Variants in URB2 observed in about 807,000 individuals in gnomAD.
URB2 encodes unhealthy ribosome biogenesis protein 2 homolog.
A neutral mutation model predicts 120.9 loss-of-function variants in URB2; 86 were observed. That is an observed-to-expected ratio of 0.71 (90% CI 0.60 to 0.85). URB2 has a LOEUF of 0.85. URB2 is among the 40% of genes least tolerant of loss of function. The pLI is 0.00. For missense variants in URB2, 1,765 were observed against 1,836.5 expected, an observed-to-expected ratio of 0.96 and a Z score of 0.71; for synonymous variants, 755 against 758.4, an observed-to-expected ratio of 1.00 and a Z score of 0.07.
chr1:229,639,137 A>G (rs989710742), intron 4 of URB2, among the ~76,000 whole-genome samples: 2 of 151,950 alleles, frequency 1.3e-5, no homozygotes, highest in African/African-American at 4.8e-5. Context: ...TCTACAAAAA[A>G]TACAAAAATT....
chr1:229,633,609 A>G (rs1665723599), intron 3 of URB2, among the ~76,000 whole-genome samples: 1 of 152,226 alleles, frequency 6.6e-6, no homozygotes, highest in African/African-American at 2.4e-5. Flanking sequence ...AATTACTTGA[A>G]TAGAAATTAT....
chr1:229,653,826 T>A (rs1396471462), intron 8 of URB2, among the ~76,000 whole-genome samples: 1 of 152,136 alleles, frequency 6.6e-6, no homozygotes, highest in Non-Finnish European at 1.5e-5. Context: ...AAGACATAAT[T>A]TAGGGTATCT....
intron 9 of URB2, among the ~76,000 whole-genome samples, chr1:229,656,267 G>A (rs75365015): frequency 6.6e-6 from 1 of 152,194 alleles, no homozygotes; most frequent in African/African-American, 2.4e-5. Context: ...ATGAGACATA[G>A]TAATATCACT....
rs955049129 is a variant in URB2 at position 229,659,303 on chromosome 1, T to C, written c.*6T>C. The C allele has an allele frequency of 1.2e-6, 2 of 1,613,396 alleles. No homozygotes were observed. Among genetic ancestry groups the C allele is most frequent in the Non-Finnish European group, 1.7e-6 (2 of 1,179,852 alleles). On this transcript the variant is annotated 3_prime_UTR_variant, in exon 10 of 10. Transcript: ENST00000258243. ...AGAAAAGATATACGGCCTAAGGCTA[T>C]GGGACAGAAGTGCCGCCAGTGACAC...
Position 229,637,326 on chromosome 1 carries a change from C to T in URB2, c.2713C>T (p.Gln905Ter), listed in dbSNP as rs114156610. The part of the protein sequence containing the change: ...LGLLEVISAL[Q>*]LDSLLPPYHV... ...GCTTTTGGAAGTGATTTCTGCCTTACAGCTGGACAGCCTCTTGCCACCCTA... is the reference window on the plus strand; with the variant it reads ...GCTTTTGGAAGTGATTTCTGCCTTATAGCTGGACAGCCTCTTGCCACCCTA... Residue 905 changes from glutamine (Q) to a stop codon, truncating the protein, a stop_gained, in exon 4 of 10, where the codon CAG (glutamine) becomes TAG (stop). Transcript: ENST00000258243. LOFTEE classifies it high-confidence loss of function. The T allele has an allele frequency of 4.3e-6, 7 of 1,614,208 alleles. No homozygotes were observed. Among genetic ancestry groups the T allele is most frequent in the Non-Finnish European group, 5.9e-6 (7 of 1,180,032 alleles).
chr1:229,638,697 G>A (rs186272062), intron 4 of URB2, among the ~76,000 whole-genome samples: 23 of 151,878 alleles, frequency 1.5e-4, no homozygotes, highest in Non-Finnish European at 2.2e-4. Flanking sequence ...TCCCTTCTAG[G>A]CCCAGCACCC....
intron 4 of URB2, 90 bp from the exon 5 acceptor site, chr1:229,643,443 G>A: frequency 6.7e-7 from 1 of 1,489,838 alleles, no homozygotes; most frequent in South Asian, 1.2e-5. Context: ...TTTGATGGCG[G>A]CCACAGCTGT....
chr1:229,645,799 C>A (rs941544142), intron 5 of URB2, 60 bp from the exon 6 acceptor site: 1 of 1,406,288 alleles, frequency 7.1e-7, no homozygotes, highest in Non-Finnish European at 1.0e-6. Context: ...CTTCCCCAGG[C>A]GGAGTTCTTA....
chr1:229,635,476 C>G lies in URB2; in HGVS notation c.863C>G (p.Ala288Gly), dbSNP rs771084876. 1 of 1,612,762 alleles carries G rather than the reference C, an allele frequency of 6.2e-7. No individual in the cohort carries two copies. Among genetic ancestry groups the G allele is most frequent in the Non-Finnish European group, 8.5e-7 (1 of 1,179,112 alleles). The change falls in exon 4 of 10, where the codon GCT becomes GGT. Residue 288 changes from alanine to glycine, a missense_variant. Physicochemically the swap from Ala to Gly is moderately conservative, Grantham distance 60 (BLOSUM62 0). Transcript: ENST00000258243. The part of the protein sequence containing the change: ...MDTVLNRLVD[A>G]GYCAASLHTS... ...ACCGTGCTTAACAGGCTGGTTGATG[C>G]TGGCTACTGTGCAGCATCCCTTCAT...
intron 9 of URB2, among the ~76,000 whole-genome samples, chr1:229,656,488 A>G (rs1442581166): frequency 6.6e-6 from 1 of 152,226 alleles, no homozygotes; most frequent in African/African-American, 2.4e-5. Flanking sequence ...CTGGCACCAC[A>G]GTCCATGTTC....
intron 8 of URB2, 43 bp from the exon 9 acceptor site, chr1:229,654,206 T>C: frequency 6.2e-7 from 1 of 1,603,484 alleles, no homozygotes; most frequent in Non-Finnish European, 8.5e-7. Flanking sequence ...TAAAATGTGC[T>C]GTTTTTGAAC....
rs78745401 is a variant in URB2 at position 229,636,655 on chromosome 1, A to T, written c.2042A>T (p.Lys681Ile). The T allele has an allele frequency of 1.5e-4, 242 of 1,614,258 alleles. No individual in the cohort carries two copies. In the East Asian group the frequency reaches 5.3e-3, roughly 36 times the overall value. Residue 681 changes from lysine (K) to isoleucine (I), a missense_variant, in exon 4 of 10, where the codon AAA becomes ATA. Physicochemically the swap from Lys to Ile is moderately radical, Grantham distance 102. Transcript: ENST00000258243. ...TYCLEQLYLQ[K>I]MKRTLMQTSF... Reference sequence around the variant, plus strand: ...TGCTTAGAACAGCTGTACCTGCAGAAAATGAAAAGGACTTTAATGCAAACT... The same window carrying T: ...TGCTTAGAACAGCTGTACCTGCAGATAATGAAAAGGACTTTAATGCAAACT...
At chr1:229,651,957 G>A (rs532942789) in intron 8 of URB2, among the ~76,000 whole-genome samples, 1 of 152,240 alleles carries the variant, frequency 6.6e-6, no homozygotes, top group South Asian at 2.1e-4. Flanking sequence ...TGAGGTGGGT[G>A]GATTACCTGA....
chr1:229,629,730 A>G (rs1665614435), intron 2 of URB2, among the ~76,000 whole-genome samples: 1 of 152,204 alleles, frequency 6.6e-6, no homozygotes, highest in Non-Finnish European at 1.5e-5. Context: ...AAATAAGACA[A>G]CAGTGAAGTT....
intron 4 of URB2, among the ~76,000 whole-genome samples, chr1:229,641,543 T>G (rs1301304618): frequency 6.6e-6 from 1 of 151,998 alleles, no homozygotes; most frequent in Non-Finnish European, 1.5e-5. Flanking sequence ...CTGGAAGAAA[T>G]GCCAAGTGAG....
intron 7 of URB2, chr1:229,651,012 A>G (rs2102797576): frequency 3.2e-6 from 1 of 316,946 alleles, no homozygotes; most frequent in South Asian, 5.0e-5. Context: ...TGGGTTCTCT[A>G]CCCTAGATAG....
chr1:229,646,022 AAAGACAG>A, intron 6 of URB2, 53 bp downstream of exon 6: 1 of 1,562,392 alleles, frequency 6.4e-7, no homozygotes, highest in Non-Finnish European at 8.8e-7. Flanking sequence ...CTCTTCCTGT[AAAGACAG>A]AAGTCAGCCT....
rs906234362 is a variant in URB2, at chr1:229,647,515, A to G, written c.3912A>G (p.Leu1304=). 4.3e-6 allele frequency: 7 copies of G among 1,612,944 alleles called. No individual in the cohort carries two copies. The highest frequency in any genetic ancestry group is 1.7e-5 in the Admixed American group (1 of 59,964). The change falls in exon 7 of 10, where the codon TTA becomes TTG. Residue 1304 remains leucine (L), a synonymous_variant. Transcript: ENST00000258243. The part of the protein sequence containing the change: ...CPQIVTALTL[L]NREASQEQPV... ...TATTTTATTTTGCCCTTTAGCTCTT[A>G]AACCGAGAAGCTTCTCAGGAGCAGC...
chr1:229,644,748 G>A (rs1666096889), intron 5 of URB2, among the ~76,000 whole-genome samples: 1 of 152,150 alleles, frequency 6.6e-6, no homozygotes, highest in African/African-American at 2.4e-5. Flanking sequence ...GGGTTGTGGG[G>A]TGGGCTGCAC....
Sources: allele counts gnomAD v4.1 joint callset (sites outside exome capture counted in the v4.1 genomes callset), GRCh38; gene constraint gnomAD v4.1.1; transcripts MANE v1.5; gene names NCBI Gene and HGNC (gene_info 2026-07-23, HGNC 2026-07-21).